MYH14: variants seen among roughly 807,000 people sequenced by gnomAD.
The protein encoded by MYH14 is myosin-14.
In MYH14, 123 loss-of-function variants were observed where a neutral mutation model predicts 255.5. That is an observed-to-expected ratio of 0.48 (90% CI 0.42 to 0.56). The LOEUF (loss-of-function observed/expected upper bound fraction) is 0.56. MYH14 is among the 20% of genes least tolerant of loss of function. The pLI is 0.00. For missense variants in MYH14, 2,423 were observed against 2,802.3 expected, an observed-to-expected ratio of 0.86 and a Z score of 3.06; for synonymous variants, 1,095 against 1,161.2, an observed-to-expected ratio of 0.94 and a Z score of 1.16.
intron 8 of MYH14, among the ~76,000 whole-genome samples, chr19:50,228,887 G>A (rs2033238722): frequency 1.3e-5 from 2 of 152,210 alleles, no homozygotes; most frequent in African/African-American, 2.4e-5. Flanking sequence ...AATCGTATGA[G>A]TCTTGGGATG....
chr19:50,287,444 G>A (rs918796041), intron 34 of MYH14, among the ~76,000 whole-genome samples: 4 of 152,164 alleles, frequency 2.6e-5, no homozygotes, highest in African/African-American at 9.7e-5. Flanking sequence ...ATAGGGTCTT[G>A]CTCTGTTGCC....
Position 50,255,242 on chromosome 19 carries a change from C to A in MYH14, c.1968C>A (p.Phe656Leu). Residue 656 changes from phenylalanine to leucine, a missense_variant, in exon 17 of 43, where the codon TTC (phenylalanine) becomes TTA (leucine). Transcript: ENST00000642316. The stretch of plus-strand genomic sequence containing the variant: ...CAGAACATGGGGGCTTCCAGCAGTT[C>A]TCTTTCCTTGGCTCCTTCCCACCGT... ...WKDEHGGFQQ[F>L]SFLGSFPPSP... 2 of 1,551,552 alleles carry A rather than the reference C, an allele frequency of 1.3e-6. No individual in the cohort carries two copies. Among genetic ancestry groups the A allele is most frequent in the Non-Finnish European group, 1.7e-6 (2 of 1,146,990 alleles).
At chr19:50,289,326 A>G (rs2035988796) in intron 34 of MYH14, 110 bp from the exon 35 acceptor site, 4 of 868,564 alleles carry the variant, frequency 4.6e-6, no homozygotes, top group Middle Eastern at 3.0e-4. Context: ...GGATGGGCAC[A>G]CTGACTTGCC....
intron 30 of MYH14, among the ~76,000 whole-genome samples, chr19:50,278,738 G>A (rs1325175966): frequency 6.6e-6 from 1 of 151,342 alleles, no homozygotes; most frequent in Admixed American, 6.6e-5. Flanking sequence ...ACTTTGGGAG[G>A]CCGAGGCGGG....
chr19:50,246,288 GCAC>G (rs1356145763), intron 11 of MYH14, among the ~76,000 whole-genome samples: 1 of 151,648 alleles, frequency 6.6e-6, no homozygotes, highest in African/African-American at 2.4e-5. Context: ...TTACAGGCAC[GCAC>G]CACCATGTCG....
chr19:50,237,743 A>C (rs965574005), intron 10 of MYH14, among the ~76,000 whole-genome samples: 21 of 152,236 alleles, frequency 1.4e-4, no homozygotes, highest in African/African-American at 5.1e-4. Context: ...GCACCCAGCA[A>C]CGATGGCTGG....
In MYH14 at chr19:50,210,658, G is replaced by A. The variant is rs370947453; in HGVS notation, c.293G>A (p.Arg98His). Residue 98 changes from arginine (R) to histidine (H), a missense_variant, in exon 2 of 43, where the codon CGC becomes CAC. This residue lies in a region of MYH14 where 238 missense variants were observed against 245.8 expected (regional missense o/e 0.97). Transcript: ENST00000642316. The part of the protein sequence containing the change: ...RLRLPRDQIQ[R>H]MNPPKFSKAE... ...CGACTGCCGCGGGACCAGATCCAGC[G>A]CATGAACCCGCCCAAGTTCAGCAAG... 18 of 1,570,376 alleles carry A rather than the reference G, an allele frequency of 1.1e-5. No homozygotes were observed. Among genetic ancestry groups the A allele is most frequent in the African/African-American group, 4.1e-5 (3 of 73,560 alleles).
intron 26 of MYH14, 138 bp downstream of exon 26, chr19:50,272,110 C>A: frequency 8.5e-7 from 1 of 1,171,226 alleles, no homozygotes; most frequent in Non-Finnish European, 1.2e-6. Context: ...ATTGAGTGTC[C>A]TCCCAGCTCT....
In MYH14 at chr19:50,221,351, C is replaced by A. The variant is rs960159638; in HGVS notation, c.563-1732C>A. On this transcript the variant is annotated intron_variant, in intron 3 of 42. Coordinates refer to ENST00000642316, the MANE Select transcript of MYH14 (RefSeq NM_001145809.2). The surrounding 1 kb of genome is among the most constrained non-coding windows in gnomAD (Gnocchi z 5.3). ...GCGGTGAACCTGTGTGCATATAGTCCCCCATACCAGGCTGCCAAGTCTGAG... is the reference window on the plus strand; with the variant it reads ...GCGGTGAACCTGTGTGCATATAGTCACCCATACCAGGCTGCCAAGTCTGAG... 2.0e-5 allele frequency among the ~76,000 whole-genome samples: 3 copies of A among 152,100 alleles called. No homozygotes were observed. The highest frequency in any genetic ancestry group is 4.4e-5 in the Non-Finnish European group (3 of 68,026).
At chr19:50,261,047 C>A (rs1463619840) in intron 20 of MYH14, among the ~76,000 whole-genome samples, 3 of 96,690 alleles carry the variant, frequency 3.1e-5, no homozygotes, top group African/African-American at 1.1e-4. Context: ...CACCCCATCA[C>A]CCCCTCCCCA....
intron 33 of MYH14, 88 bp downstream of exon 33, chr19:50,281,930 G>A: frequency 1.4e-6 from 2 of 1,435,006 alleles, no homozygotes; most frequent in South Asian, 1.3e-5. Flanking sequence ...AATCCGTGCT[G>A]TCACGGCTCA....
At chr19:50,223,214 C>G (rs773738818) in intron 4 of MYH14, 33 bp from the exon 5 acceptor site, 1 of 1,609,950 alleles carries the variant, frequency 6.2e-7, no homozygotes, top group South Asian at 1.1e-5. Flanking sequence ...AGGTCATTGC[C>G]AACCCCTTTG....
intron 10 of MYH14, among the ~76,000 whole-genome samples, chr19:50,240,082 T>G (rs1191814831): frequency 6.6e-6 from 1 of 152,208 alleles, no homozygotes; most frequent in African/African-American, 2.4e-5. Flanking sequence ...TTGGTACAAA[T>G]AGAATCACAC....
chr19:50,223,375 C>A (rs2032936822), intron 5 of MYH14, 26 bp downstream of exon 5: 3 of 1,485,582 alleles, frequency 2.0e-6, no homozygotes, highest in South Asian at 1.2e-5. Context: ...TTGGGTCACC[C>A]CCGGGCCCTG....
chr19:50,212,977 G>A (rs756793032), intron 2 of MYH14, among the ~76,000 whole-genome samples: 13 of 152,078 alleles, frequency 8.5e-5, no homozygotes, highest in Non-Finnish European at 1.8e-4. Flanking sequence ...TTTTGAGACA[G>A]GGTCTCACTC....
At chr19:50,246,330 G>A (rs1160224136) in intron 11 of MYH14, among the ~76,000 whole-genome samples, 2 of 151,940 alleles carry the variant, frequency 1.3e-5, no homozygotes, top group African/African-American at 2.4e-5. Flanking sequence ...TAGTACAGAC[G>A]GGGTTTCACC....
At chr19:50,309,390 C>T (rs527366209) in intron 42 of MYH14, 127 of 622,582 alleles carry the variant, frequency 2.0e-4, no homozygotes, top group Non-Finnish European at 3.5e-4. Context: ...CTGTGCCCTC[C>T]TTTCCCACCG....
rs370936318 is a variant in MYH14, at chr19:50,261,569, G to C, written c.2519G>C (p.Arg840Pro). 1.2e-6 allele frequency: 2 copies of C among 1,602,060 alleles called. No individual in the cohort carries two copies. ...AGVLAQLEEERDLKVTDIIVS... is the reference protein window; with the variant it reads ...AGVLAQLEEEPDLKVTDIIVS... ...GTCCTGGCCCAGCTGGAAGAGGAGC[G>C]AGACCTGAAGGTCACCGACATCATC... Residue 840 changes from arginine (R) to proline (P), a missense_variant, in exon 21 of 43, where the codon CGA becomes CCA. Physicochemically the swap from Arg to Pro is moderately radical, Grantham distance 103. This residue lies in a region of MYH14 where 1,513 missense variants were observed against 1,674.8 expected (regional missense o/e 0.90). Transcript: ENST00000642316.
chr19:50,277,743 C>T (rs2035560890), intron 29 of MYH14, among the ~76,000 whole-genome samples: 1 of 151,912 alleles, frequency 6.6e-6, no homozygotes, highest in African/African-American at 2.4e-5. Context: ...TGGCAAAATC[C>T]CATCTCTACT....
Sources: gnomAD v4.1 joint callset for allele counts (sites outside exome capture counted in the v4.1 genomes callset) on GRCh38, gnomAD v4.1.1 for gene constraint, gnomAD v4.1.1 regional missense constraint, Gnocchi (gnomAD v3.1) non-coding constraint, MANE v1.5 for transcripts, NCBI Gene and HGNC (gene_info 2026-07-23, HGNC 2026-07-21) for gene names.